The following GREM2 variants were observed in gnomAD, a reference collection of about 807,000 sequenced individuals.
GREM2 encodes gremlin 2, DAN family BMP antagonist.
Under a neutral mutation model 14.2 loss-of-function variants are expected in GREM2, and 11 were observed. The observed-to-expected ratio is 0.78, with a 90% CI of 0.49 to 1.28. The LOEUF (loss-of-function observed/expected upper bound fraction) is 1.28, where lower values mean the gene tolerates loss of function less well. GREM2 is among the 50% of genes most tolerant of loss of function. The probability of loss-of-function intolerance (pLI) is 0.00; values close to 1 mark genes in which losing one functional copy is unlikely to be tolerated. For missense variants in GREM2, 210 were observed against 218.5 expected, an observed-to-expected ratio of 0.96 and a Z score of 0.24; for synonymous variants, 98 against 97.6, an observed-to-expected ratio of 1.00 and a Z score of -0.02.
At chr1:240,599,097 G>A (rs142497110) in intron 1 of GREM2, among the ~76,000 whole-genome samples, 20 of 151,896 alleles carry the variant, frequency 1.3e-4, no homozygotes, top group East Asian at 1.9e-4. Context: ...GGCGAAACCC[G>A]ATATCTACTA....
intron 1 of GREM2, among the ~76,000 whole-genome samples, chr1:240,534,791 C>T (rs1181760598): frequency 1.2e-4 from 18 of 152,044 alleles, no homozygotes; most frequent in Admixed American, 9.8e-4. Context: ...ACTGCAATCA[C>T]CCTGGTAGGA....
chr1:240,525,943 C>T (rs752607139), intron 1 of GREM2, among the ~76,000 whole-genome samples: 14 of 152,116 alleles, frequency 9.2e-5, no homozygotes, highest in Non-Finnish European at 1.6e-4. Context: ...GATTGGCTCC[C>T]GGTATTATTT....
intron 1 of GREM2, among the ~76,000 whole-genome samples, chr1:240,604,491 C>G (rs1679990093): frequency 6.6e-6 from 1 of 152,200 alleles, no homozygotes; most frequent in African/African-American, 2.4e-5. Flanking sequence ...TCAACTGTAA[C>G]ATGAAAGTAA....
intron 1 of GREM2, among the ~76,000 whole-genome samples, chr1:240,500,285 T>TTG (rs1028032354): frequency 6.6e-6 from 1 of 151,196 alleles, no homozygotes; most frequent in African/African-American, 2.4e-5. Flanking sequence ...CAGAGTATGT[T>TTG]TGTGTGTGTG....
chr1:240,545,273 AG>A (rs752499519), intron 1 of GREM2, among the ~76,000 whole-genome samples: 1 of 152,202 alleles, frequency 6.6e-6, no homozygotes, highest in Non-Finnish European at 1.5e-5. Flanking sequence ...ACCCCCCAAA[AG>A]GGGTTCTGAG....
intron 1 of GREM2, among the ~76,000 whole-genome samples, chr1:240,508,188 G>A (rs956885837): frequency 3.3e-5 from 5 of 152,122 alleles, no homozygotes; most frequent in Admixed American, 6.5e-5. Flanking sequence ...GTTCACCACT[G>A]TATCTCTGGA....
intron 1 of GREM2, among the ~76,000 whole-genome samples, chr1:240,526,064 T>C (rs1178270317): frequency 6.6e-6 from 1 of 152,196 alleles, no homozygotes; most frequent in Non-Finnish European, 1.5e-5. Context: ...CTCACGTGTT[T>C]ATATTGAGCC....
chr1:240,587,682 G>A (rs995598384), intron 1 of GREM2, among the ~76,000 whole-genome samples: 2 of 152,210 alleles, frequency 1.3e-5, no homozygotes. Flanking sequence ...CTTATTAGCT[G>A]CATTATGTTA....
At chr1:240,533,738 G>A (rs946394276) in intron 1 of GREM2, among the ~76,000 whole-genome samples, 7 of 152,196 alleles carry the variant, frequency 4.6e-5, no homozygotes, top group African/African-American at 1.7e-4. Context: ...AAGGATTTTG[G>A]TGGTTGAACA....
intron 1 of GREM2, among the ~76,000 whole-genome samples, chr1:240,595,476 G>A (rs1201585849): frequency 6.6e-6 from 1 of 152,142 alleles, no homozygotes; most frequent in South Asian, 2.1e-4. Flanking sequence ...TGGCAACCCA[G>A]AGCTCTTTGG....
chr1:240,526,035 C>G (rs550537961), intron 1 of GREM2, among the ~76,000 whole-genome samples: 1 of 152,176 alleles, frequency 6.6e-6, no homozygotes, highest in East Asian at 1.9e-4. Context: ...AGCCAAGAAA[C>G]GTACTCCTGC....
At chr1:240,578,769 G>C (rs1430157916) in intron 1 of GREM2, among the ~76,000 whole-genome samples, 1 of 150,118 alleles carries the variant, frequency 6.7e-6, no homozygotes, top group East Asian at 2.0e-4. Context: ...GGGTAACAGA[G>C]TGACACTCAG....
chr1:240,559,774 T>C (rs1382146839), intron 1 of GREM2, among the ~76,000 whole-genome samples: 1 of 152,232 alleles, frequency 6.6e-6, no homozygotes, highest in Non-Finnish European at 1.5e-5. Context: ...CTCAAAGTGA[T>C]AGCTTCATTT....
At chr1:240,531,028 G>A (rs1022377908) in intron 1 of GREM2, among the ~76,000 whole-genome samples, 4 of 152,162 alleles carry the variant, frequency 2.6e-5, no homozygotes, top group Non-Finnish European at 5.9e-5. Flanking sequence ...GTTATTAAAG[G>A]CTTTCTTTTA....
At chr1:240,562,850 ATGTGTG>A (rs991704028) in intron 1 of GREM2, among the ~76,000 whole-genome samples, 1 of 143,722 alleles carries the variant, frequency 7.0e-6, no homozygotes, top group East Asian at 2.1e-4. Context: ...ATGAGTGTGT[ATGTGTG>A]TATGTGTATA....
chr1:240,530,080 G>C (rs1347136728), intron 1 of GREM2, among the ~76,000 whole-genome samples: 1 of 152,088 alleles, frequency 6.6e-6, no homozygotes, highest in Non-Finnish European at 1.5e-5. Flanking sequence ...GGTTTTTCAA[G>C]AAAAGGTAGT....
chr1:240,606,050 G>T (rs577149411), intron 1 of GREM2, among the ~76,000 whole-genome samples: 1 of 152,110 alleles, frequency 6.6e-6, no homozygotes, highest in Admixed American at 6.6e-5. Flanking sequence ...AAAAGACTGG[G>T]TTTGTCATTT....
intron 1 of GREM2, among the ~76,000 whole-genome samples, chr1:240,502,080 A>C (rs1448592489): frequency 6.6e-6 from 1 of 152,246 alleles, no homozygotes; most frequent in South Asian, 2.1e-4. Flanking sequence ...CTAGGACAGC[A>C]TTCTGTGTCC....
At chr1:240,554,310 C>T (rs1036493675) in intron 1 of GREM2, among the ~76,000 whole-genome samples, 9 of 151,350 alleles carry the variant, frequency 5.9e-5, no homozygotes, top group African/African-American at 2.2e-4. Flanking sequence ...ACTCGGGAGG[C>T]TGAGGCACGA....
Sources: gnomAD v4.1 joint callset for allele counts (sites outside exome capture counted in the v4.1 genomes callset) on GRCh38, gnomAD v4.1.1 for gene constraint, MANE v1.5 for transcripts, NCBI Gene and HGNC (gene_info 2026-07-23, HGNC 2026-07-21) for gene names.